MPRIP: variants seen among roughly 807,000 people sequenced by gnomAD.
MPRIP encodes the protein myosin phosphatase Rho-interacting protein.
In MPRIP, 59 loss-of-function variants were observed where a neutral mutation model predicts 234.9. The ratio of observed to expected loss-of-function variants is 0.25; its 90% CI spans 0.20 to 0.31. MPRIP has a LOEUF of 0.31. Among genes scored for constraint, MPRIP ranks in the 10% least tolerant of loss-of-function variants. The pLI is 1.00. For synonymous variants in MPRIP, 1,144 were observed against 1,263.9 expected (o/e 0.91, Z 2.01); for missense variants, 2,436 against 3,071.0 (o/e 0.79, Z 4.89).
chr17:17,156,778 A>G (rs1413615658), intron 13 of MPRIP, among the ~76,000 whole-genome samples: 3 of 152,202 alleles, frequency 2.0e-5, no homozygotes, highest in African/African-American at 7.2e-5. Context: ...CAGTGACGTC[A>G]CAAGATCTGC....
At chr17:17,057,717 G>A (rs997322703) in intron 1 of MPRIP, 1 of 717,816 alleles carries the variant, frequency 1.4e-6, no homozygotes, top group African/African-American at 1.7e-5. Context: ...GACAGGAAGA[G>A]GAATGGCATC....
chr17:17,172,980 A>AT (rs964199953), intron 18 of MPRIP, among the ~76,000 whole-genome samples, 165 bp downstream of exon 18: 3 of 152,386 alleles, frequency 2.0e-5, no homozygotes, highest in African/African-American at 7.2e-5. Context: ...AGTGCAGGAT[A>AT]TGGCCCAAGT....
intron 3 of MPRIP, among the ~76,000 whole-genome samples, chr17:17,091,387 A>C (rs1362015287): frequency 2.0e-5 from 3 of 152,124 alleles, no homozygotes; most frequent in African/African-American, 7.2e-5. Flanking sequence ...CACTCCCAGT[A>C]GGCTTCAGAG....
chr17:17,111,323 G>A (rs1292472405), intron 3 of MPRIP, among the ~76,000 whole-genome samples: 1 of 151,054 alleles, frequency 6.6e-6, no homozygotes, highest in Non-Finnish European at 1.5e-5. Flanking sequence ...GAAAGCAGGT[G>A]CCAGTGGCCT....
At chr17:17,130,037 C>G (rs993676107) in intron 4 of MPRIP, among the ~76,000 whole-genome samples, 1 of 152,234 alleles carries the variant, frequency 6.6e-6, no homozygotes, top group Non-Finnish European at 1.5e-5. Context: ...GCCTGCCTGT[C>G]TGCTGGCTTT....
chr17:17,111,267 G>A (rs571234660), intron 3 of MPRIP, among the ~76,000 whole-genome samples: 3 of 129,152 alleles, frequency 2.3e-5, no homozygotes, highest in East Asian at 2.5e-4. Context: ...ATAGAGACTC[G>A]AAGAGAGAGG....
chr17:17,079,076 G>A (rs565187730), intron 3 of MPRIP, among the ~76,000 whole-genome samples: 2 of 152,234 alleles, frequency 1.3e-5, no homozygotes, highest in East Asian at 1.9e-4. Context: ...AGGGGGTGGC[G>A]GGGGTGCCTG....
intron 3 of MPRIP, among the ~76,000 whole-genome samples, chr17:17,091,106 T>G (rs1336767623): frequency 1.2e-3 from 119 of 101,726 alleles, no homozygotes; most frequent in Middle Eastern, 4.4e-3. Context: ...GGGGAGGGGG[T>G]GGGGTTTGAC....
chr17:17,171,525 T>C, intron 16 of MPRIP, 193 bp from the exon 17 acceptor site: 1 of 635,236 alleles, frequency 1.6e-6, no homozygotes, highest in Non-Finnish European at 2.8e-6. Flanking sequence ...TTCTGAATGC[T>C]CTGATGGCAT....
chr17:17,172,681 C>T lies in MPRIP; in HGVS notation c.6473-17C>T, dbSNP rs369294046. On this transcript the variant is annotated splice_polypyrimidine_tract_variant and intron_variant, in intron 17 of 23. Coordinates refer to ENST00000651222, the MANE Select transcript of MPRIP (RefSeq NM_001364716.4). The stretch of plus-strand genomic sequence containing the variant: ...GGGCGTGGTCCCTCGGTGCTGAGGC[C>T]GTGTCCTTGCCTGCAGCCATCGAAG... 6.3e-5 allele frequency: 101 copies of T among 1,605,496 alleles called. No homozygotes were observed. Among genetic ancestry groups the T allele is most frequent in the African/African-American group, 2.7e-5 (2 of 74,764 alleles).
rs2144599089 is a variant in MPRIP at position 17,158,870 on chromosome 17, G to A, written c.2268G>A (p.Gln756=). The part of the protein sequence containing the change: ...KTHNVHVEIE[Q]RWHQVETTPL... ...ATAACGTCCACGTGGAGATTGAGCA[G>A]CGGTGGCATCAGGTGGAGACCACAC... Residue 756 remains glutamine (Q), a synonymous_variant, in exon 14 of 24, where the codon CAG becomes CAA. Transcript: ENST00000651222. 6.2e-7 allele frequency: 1 copy of A among 1,612,004 alleles called. No homozygotes were observed. Among genetic ancestry groups the A allele is most frequent in the South Asian group, 1.1e-5 (1 of 91,042 alleles).
At chr17:17,127,863 G>C (rs574767927) in intron 4 of MPRIP, among the ~76,000 whole-genome samples, 2 of 152,330 alleles carry the variant, frequency 1.3e-5, no homozygotes, top group East Asian at 3.9e-4. Flanking sequence ...AGCACAGCTG[G>C]AAGTCCAGGG....
At chr17:17,068,355 G>T (rs1328850031) in intron 1 of MPRIP, among the ~76,000 whole-genome samples, 1 of 151,778 alleles carries the variant, frequency 6.6e-6, no homozygotes, top group Non-Finnish European at 1.5e-5. Flanking sequence ...TCTTCATGTT[G>T]GTCAGGCTGG....
At chr17:17,160,716 T>C (rs1024904264) in intron 14 of MPRIP, among the ~76,000 whole-genome samples, 2 of 152,234 alleles carry the variant, frequency 1.3e-5, no homozygotes, top group African/African-American at 4.8e-5. Flanking sequence ...GTGGTTTCAG[T>C]TGAGACCATA....
chr17:17,072,040 A>G (rs1181700827), intron 1 of MPRIP, among the ~76,000 whole-genome samples: 2 of 152,082 alleles, frequency 1.3e-5, no homozygotes, highest in African/African-American at 4.8e-5. Context: ...CCAGTTTCAG[A>G]TTATTATAGG....
At chr17:17,103,707 TG>T (rs1460231272) in intron 3 of MPRIP, among the ~76,000 whole-genome samples, 1 of 152,028 alleles carries the variant, frequency 6.6e-6, no homozygotes, top group Non-Finnish European at 1.5e-5. Context: ...ACATCAGGGG[TG>T]GGGGCTGAAA....
chr17:17,156,339 G>A (rs1280080439), intron 13 of MPRIP, among the ~76,000 whole-genome samples: 1 of 152,198 alleles, frequency 6.6e-6, no homozygotes, highest in Non-Finnish European at 1.5e-5. Context: ...CCTGGCAGTT[G>A]GCCTCCTGAC....
chr17:17,095,593 T>C lies in MPRIP; in HGVS notation c.267+17517T>C, dbSNP rs1055396468. On this transcript the variant is annotated intron_variant, in intron 3 of 23. Coordinates refer to ENST00000651222, the MANE Select transcript of MPRIP (RefSeq NM_001364716.4). ...TAGGATGCAGACTTTCTTGGACTTT[T>C]CCTGCTGTTAGTCCTTCACCCCTAC... Among the ~76,000 whole-genome samples, 76 of 152,112 alleles carry C rather than the reference T, an allele frequency of 5.0e-4. 1 individual carries two copies. Among genetic ancestry groups the C allele is most frequent in the Admixed American group, 8.5e-4 (13 of 15,286 alleles).
intron 3 of MPRIP, among the ~76,000 whole-genome samples, chr17:17,119,924 G>C (rs1237262545): frequency 1.3e-5 from 2 of 152,244 alleles, no homozygotes; most frequent in Non-Finnish European, 2.9e-5. Flanking sequence ...GGTGTTCCAT[G>C]TGGGCCTTGG....
Sources: gnomAD v4.1 joint callset for allele counts (sites outside exome capture counted in the v4.1 genomes callset) on GRCh38, gnomAD v4.1.1 for gene constraint, MANE v1.5 for transcripts, NCBI Gene and HGNC (gene_info 2026-07-23, HGNC 2026-07-21) for gene names.